Variants in PTPRA observed in about 807,000 individuals in gnomAD.
The protein encoded by PTPRA is protein tyrosine phosphatase receptor type A.
In PTPRA, 25 loss-of-function variants were observed where a neutral mutation model predicts 104.8. The observed-to-expected ratio is 0.24, with a 90% CI of 0.17 to 0.33. The LOEUF (loss-of-function observed/expected upper bound fraction) is 0.33. Among genes scored for constraint, PTPRA ranks in the 10% least tolerant of loss-of-function variants. The pLI is 1.00. For synonymous variants in PTPRA, 323 were observed against 368.9 expected (o/e 0.88, Z 1.43); for missense variants, 765 against 1,015.3 (o/e 0.75, Z 3.35).
At chr20:2,954,474 C>T (rs1478145511) in intron 3 of PTPRA, among the ~76,000 whole-genome samples, 2 of 151,664 alleles carry the variant, frequency 1.3e-5, no homozygotes, top group African/African-American at 2.4e-5. Context: ...TCTCCCACCT[C>T]GGCCTCCCAA....
chr20:3,037,931 G>C lies in PTPRA; in HGVS notation c.2335-128G>C. 1.3e-6 allele frequency: 1 copy of C among 781,030 alleles called. No homozygotes were observed. The highest frequency in any genetic ancestry group is 2.1e-6 in the Non-Finnish European group (1 of 466,818). 48.4% of individuals were successfully genotyped at this position (781,030 alleles called of 1,614,324 possible). On this transcript the variant is annotated intron_variant, in intron 23 of 23. Coordinates refer to ENST00000399903, the MANE Select transcript of PTPRA (RefSeq NM_001385305.1). This position sits in a 1 kb window ranked among gnomAD's most constrained non-coding sequence, Gnocchi z 4.3. ...CTCTGGCAGGCAGATCAGAGCTCAG[G>C]TGAAAGTTCAAAAACATTCAGTTCC...
chr20:2,975,387 C>G, intron 6 of PTPRA, 146 bp downstream of exon 6: 1 of 616,052 alleles, frequency 1.6e-6, no homozygotes. Context: ...ATGTTAATCT[C>G]ATGGAGAAGA....
intron 1 of PTPRA, among the ~76,000 whole-genome samples, chr20:2,876,149 C>T (rs1229542001): frequency 6.6e-6 from 1 of 152,188 alleles, no homozygotes; most frequent in South Asian, 2.1e-4. Flanking sequence ...ATATAGGAGG[C>T]ACTGGTTGGG....
intron 9 of PTPRA, among the ~76,000 whole-genome samples, chr20:2,995,397 C>T (rs2063358072): frequency 6.6e-6 from 1 of 152,170 alleles, no homozygotes; most frequent in Admixed American, 6.5e-5. Flanking sequence ...GGATTACAGG[C>T]ATGAGCTACT....
At chr20:2,997,675 C>T (rs1279247808) in intron 9 of PTPRA, among the ~76,000 whole-genome samples, 4 of 152,202 alleles carry the variant, frequency 2.6e-5, no homozygotes, top group Non-Finnish European at 5.9e-5. Flanking sequence ...ATCCTAATTA[C>T]AAGCTGGAGC....
intron 2 of PTPRA, among the ~76,000 whole-genome samples, chr20:2,945,826 G>A (rs1403805891): frequency 1.3e-5 from 2 of 151,810 alleles, no homozygotes; most frequent in South Asian, 2.1e-4. Context: ...CTACTCGAGA[G>A]GCTGCGGCAT....
intron 1 of PTPRA, among the ~76,000 whole-genome samples, chr20:2,880,613 G>T (rs2089992680): frequency 6.6e-6 from 1 of 152,198 alleles, no homozygotes; most frequent in Non-Finnish European, 1.5e-5. Flanking sequence ...TTCTTGGTGA[G>T]CTATTCAAAT....
chr20:2,871,573 A>G (rs1306626179), upstream of PTPRA, among the ~76,000 whole-genome samples: 2 of 152,236 alleles, frequency 1.3e-5, no homozygotes, highest in Non-Finnish European at 2.9e-5. Context: ...AATTAGATAT[A>G]AGGCAAAAGT....
chr20:2,887,034 C>A (rs2090430791), intron 1 of PTPRA, among the ~76,000 whole-genome samples: 1 of 152,020 alleles, frequency 6.6e-6, no homozygotes, highest in Non-Finnish European at 1.5e-5. Flanking sequence ...AGCCATAGTG[C>A]TTCTTCCTTT....
intron 10 of PTPRA, among the ~76,000 whole-genome samples, chr20:3,006,057 C>G (rs1292945709): frequency 6.6e-6 from 1 of 151,604 alleles, no homozygotes; most frequent in East Asian, 1.9e-4. Flanking sequence ...GATGGTCTTG[C>G]TGTGTTGCCT....
Position 2,934,669 on chromosome 20 carries a change from C to CTT in PTPRA, c.-50+11404_-50+11405dup, listed in dbSNP as rs756152103. On this transcript the variant is annotated intron_variant, in intron 2 of 23. Coordinates refer to ENST00000399903, the MANE Select transcript of PTPRA (RefSeq NM_001385305.1). ...TCACCCAAGGGCTTTCAATTAGAACCTTTTTTTTTTTTTTTTTTTTTGAGA... is the reference window on the plus strand; with the variant it reads ...TCACCCAAGGGCTTTCAATTAGAACCTTTTTTTTTTTTTTTTTTTTTTTGAGA... Among the ~76,000 whole-genome samples the CTT allele has an allele frequency of 1.8e-3, 234 of 127,158 alleles. 1 individual carries two copies. Among genetic ancestry groups the CTT allele is most frequent in the Non-Finnish European group, 2.2e-3 (134 of 60,984 alleles). The allele number at this position is 127,158 out of a possible 152,430, so 83.4% of individuals were successfully genotyped here.
chr20:2,869,375 G>T (rs1176129293), upstream of PTPRA, among the ~76,000 whole-genome samples: 2 of 152,036 alleles, frequency 1.3e-5, no homozygotes, highest in East Asian at 3.8e-4. Flanking sequence ...GCAATCCACA[G>T]ATCTTAAATG....
chr20:2,926,225 T>C (rs1041549807), intron 2 of PTPRA, among the ~76,000 whole-genome samples: 10 of 152,230 alleles, frequency 6.6e-5, no homozygotes, highest in African/African-American at 2.4e-4. Context: ...ATTAGTTTCC[T>C]CAGACTTCTG....
intron 6 of PTPRA, among the ~76,000 whole-genome samples, chr20:2,977,316 C>T (rs1349049023): frequency 6.7e-6 from 1 of 148,460 alleles, no homozygotes; most frequent in Non-Finnish European, 1.5e-5. Context: ...AAATCAGACT[C>T]TTAATATTTG....
intron 20 of PTPRA, among the ~76,000 whole-genome samples, chr20:3,028,497 C>T (rs1298136604): frequency 1.3e-5 from 2 of 152,214 alleles, no homozygotes; most frequent in African/African-American, 2.4e-5. Flanking sequence ...AATATTGTTC[C>T]TGAGTCAGAA....
intron 1 of PTPRA, among the ~76,000 whole-genome samples, chr20:2,905,502 T>G (rs956869833): frequency 6.6e-6 from 1 of 152,114 alleles, no homozygotes; most frequent in African/African-American, 2.4e-5. Flanking sequence ...ACTGTAATTT[T>G]ATAATTTAAT....
In PTPRA at chr20:2,886,683, T is replaced by TAA. The variant is rs34430434; in HGVS notation, c.-129+12938_-129+12939dup. 4.4e-3 allele frequency among the ~76,000 whole-genome samples: 597 copies of TAA among 135,916 alleles called. 6 individuals carry two copies. Among genetic ancestry groups the TAA allele is most frequent in the East Asian group, 0.026 (122 of 4,668 alleles). The allele number at this position is 135,916 out of a possible 152,430, so 89.2% of individuals were successfully genotyped here. ...AACATGGAGAAACCCCCGTCTCTAC[T>TAA]AAAAAAAAAAAAAAAATACAAAATT... On this transcript the variant is annotated intron_variant, in intron 1 of 23. Transcript: ENST00000399903.
intron 6 of PTPRA, among the ~76,000 whole-genome samples, chr20:2,976,442 GATATC>G (rs1158123655): frequency 6.6e-6 from 1 of 152,118 alleles, no homozygotes; most frequent in African/African-American, 2.4e-5. Flanking sequence ...TCTTGCCCCA[GATATC>G]ATATCTATTT....
intron 1 of PTPRA, among the ~76,000 whole-genome samples, chr20:2,877,817 A>T (rs1392950049): frequency 1.3e-5 from 2 of 152,224 alleles, no homozygotes; most frequent in African/African-American, 4.8e-5. Flanking sequence ...ATTCTTCAAT[A>T]GCATAAAATA....
Sources: gnomAD v4.1 joint callset for allele counts (sites outside exome capture counted in the v4.1 genomes callset) on GRCh38, gnomAD v4.1.1 for gene constraint, Gnocchi (gnomAD v3.1) non-coding constraint, MANE v1.5 for transcripts, NCBI Gene and HGNC (gene_info 2026-07-23, HGNC 2026-07-21) for gene names.